The following GTF2F2 variants were observed in gnomAD, a reference collection of about 807,000 sequenced individuals.
GTF2F2 encodes the protein ATP-dependent helicase GTF2F2.
GTF2F2 carries 23 observed loss-of-function variants against 42.2 expected under a neutral mutation model. That is an observed-to-expected ratio of 0.55 (90% CI 0.39 to 0.77). The LOEUF (loss-of-function observed/expected upper bound fraction) is 0.77. Ranked by LOEUF, GTF2F2 falls within the 30% of genes least tolerant of loss-of-function variation. The pLI is 0.00. For synonymous variants in GTF2F2, 105 were observed against 100.8 expected (o/e 1.04, Z -0.25); for missense variants, 261 against 287.2 (o/e 0.91, Z 0.66).
Position 45,136,796 on chromosome 13 carries a change from C to T in GTF2F2, c.130C>T (p.Arg44Trp), listed in dbSNP as rs778270263. 5.1e-6 allele frequency: 8 copies of T among 1,571,082 alleles called. No homozygotes were observed. Among genetic ancestry groups the T allele is most frequent in the East Asian group, 2.2e-5 (1 of 44,628 alleles). The change falls in exon 2 of 8, where the codon CGG becomes TGG. Residue 44 changes from arginine to tryptophan, a missense_variant. Arg to Trp is a moderately radical substitution (Grantham distance 101, BLOSUM62 -3). Transcript: ENST00000340473. The part of the protein sequence containing the change: ...ASGRGEVGKL[R>W]IAKTQGRTEV... ...TGGAAGAGGTGAAGTTGGGAAACTGCGGATTGCCAAGTAAGTTATTTACAT... is the reference window on the plus strand; with the variant it reads ...TGGAAGAGGTGAAGTTGGGAAACTGTGGATTGCCAAGTAAGTTATTTACAT...
At chr13:45,127,136 G>A (rs1449932048) in intron 1 of GTF2F2, among the ~76,000 whole-genome samples, 1 of 152,076 alleles carries the variant, frequency 6.6e-6, no homozygotes, top group Non-Finnish European at 1.5e-5. Flanking sequence ...GGTGTAGAGA[G>A]TTATATATAA....
chr13:45,181,200 A>AAAAAAAAAAAAAAAAAAAAAAAAAAAC (rs766375703), intron 4 of GTF2F2, among the ~76,000 whole-genome samples: 1 of 132,832 alleles, frequency 7.5e-6, no homozygotes, highest in African/African-American at 2.8e-5. Context: ...AAAAAAAAAA[A>AAAAAAAAAAAAAAAAAAAAAAAAAAAC]AAACCAGAAA....
At chr13:45,251,477 T>C (rs1411191226) in intron 5 of GTF2F2, among the ~76,000 whole-genome samples, 1 of 152,222 alleles carries the variant, frequency 6.6e-6, no homozygotes. Flanking sequence ...GAAAGTGTAC[T>C]TCTTCAGGTT....
At chr13:45,226,666 A>G (rs1874372562) in intron 5 of GTF2F2, among the ~76,000 whole-genome samples, 1 of 152,158 alleles carries the variant, frequency 6.6e-6, no homozygotes, top group African/African-American at 2.4e-5. Context: ...AGGTTCAAAA[A>G]TCTCCAGTAA....
At chr13:45,199,608 A>G (rs1170189377) in intron 4 of GTF2F2, among the ~76,000 whole-genome samples, 1 of 152,250 alleles carries the variant, frequency 6.6e-6, no homozygotes, top group African/African-American at 2.4e-5. Flanking sequence ...AAGCCATCAA[A>G]TGAACATTAA....
At chr13:45,193,868 A>C in intron 4 of GTF2F2, 1 of 1,614,172 alleles carries the variant, frequency 6.2e-7, no homozygotes, top group Non-Finnish European at 8.5e-7. Flanking sequence ...CTAAAGCCAC[A>C]CTTTAAAGCC....
intron 2 of GTF2F2, among the ~76,000 whole-genome samples, chr13:45,142,918 A>G (rs1458225475): frequency 1.3e-5 from 2 of 152,218 alleles, no homozygotes; most frequent in African/African-American, 4.8e-5. Context: ...GCCGATAAAC[A>G]AAAGGCTCCA....
chr13:45,165,437 A>G, intron 4 of GTF2F2, among the ~76,000 whole-genome samples: 1 of 151,440 alleles, frequency 6.6e-6, no homozygotes, highest in South Asian at 2.1e-4. Context: ...AAAGATTCAT[A>G]TACAGTAAAG....
At chr13:45,226,714 G>T (rs1328880960) in intron 5 of GTF2F2, among the ~76,000 whole-genome samples, 5 of 152,096 alleles carry the variant, frequency 3.3e-5, no homozygotes, top group South Asian at 2.1e-4. Flanking sequence ...TAGTTGGGAA[G>T]AATTCACTTC....
At chr13:45,243,630 T>TA (rs1216479768) in intron 5 of GTF2F2, among the ~76,000 whole-genome samples, 36 of 152,160 alleles carry the variant, frequency 2.4e-4, no homozygotes, top group Middle Eastern at 3.4e-3. Context: ...TGTTTTTTTT[T>TA]AAATCCATTT....
At chr13:45,132,955 C>G (rs148712390) in intron 1 of GTF2F2, among the ~76,000 whole-genome samples, 1 of 152,150 alleles carries the variant, frequency 6.6e-6, no homozygotes, top group East Asian at 1.9e-4. Context: ...TGTTTGTAAC[C>G]ATGTATTTAA....
intron 1 of GTF2F2, among the ~76,000 whole-genome samples, chr13:45,130,901 G>T (rs1869308692): frequency 6.6e-6 from 1 of 152,166 alleles, no homozygotes; most frequent in Non-Finnish European, 1.5e-5. Context: ...GTAAGTTTGA[G>T]AGTTGTCATA....
At position 45,212,225 on chromosome 13, in the gene GTF2F2, T is replaced by G. The variant is rs986937857; in HGVS notation, c.386+4720T>G. Among the ~76,000 whole-genome samples the G allele has an allele frequency of 1.6e-4, 25 of 152,358 alleles. No homozygotes were observed. The South Asian group carries it at 2.5e-3, about 15-fold the overall frequency. On this transcript the variant is annotated intron_variant, in intron 5 of 7. Coordinates refer to ENST00000340473, the MANE Select transcript of GTF2F2 (RefSeq NM_004128.3). ...TGCTCACAATTTTTCAGGGCCTCCT[T>G]TTGACTGCATAGTTTTTAGTCATAT...
At chr13:45,270,337 A>G (rs145522123) in intron 7 of GTF2F2, among the ~76,000 whole-genome samples, 125 of 152,206 alleles carry the variant, frequency 8.2e-4, no homozygotes, top group African/African-American at 2.7e-3. Flanking sequence ...GTTTTTTGTT[A>G]CTTATAACAG....
chr13:45,252,536 A>C (rs1233887405), intron 5 of GTF2F2, among the ~76,000 whole-genome samples: 1 of 152,204 alleles, frequency 6.6e-6, no homozygotes, highest in African/African-American at 2.4e-5. Flanking sequence ...CATGTAATTT[A>C]AGATGATTTA....
intron 2 of GTF2F2, among the ~76,000 whole-genome samples, chr13:45,138,738 C>T (rs146671677): frequency 0.018 from 2,738 of 152,242 alleles, 28 homozygotes; most frequent in Middle Eastern, 0.034. Context: ...CTCTGCCTCC[C>T]GGGTTCAAGC....
chr13:45,165,565 TCGCC>T (rs779563121), intron 4 of GTF2F2, among the ~76,000 whole-genome samples: 1 of 137,716 alleles, frequency 7.3e-6, no homozygotes, highest in Admixed American at 7.0e-5. Flanking sequence ...TCCACTGCCC[TCGCC>T]CCCCCCCGCC....
intron 2 of GTF2F2, among the ~76,000 whole-genome samples, chr13:45,145,098 T>A (rs1304609136): frequency 6.8e-6 from 1 of 147,420 alleles, no homozygotes; most frequent in Non-Finnish European, 1.5e-5. Context: ...ACTGGGATAA[T>A]GAGAAAGCTA....
At chr13:45,179,953 G>GAT (rs1872067934) in intron 4 of GTF2F2, among the ~76,000 whole-genome samples, 1 of 152,148 alleles carries the variant, frequency 6.6e-6, no homozygotes, top group South Asian at 2.1e-4. Context: ...TAAGTTGGGA[G>GAT]GTGGGGGTGT....
Sources: allele counts gnomAD v4.1 joint callset (sites outside exome capture counted in the v4.1 genomes callset), GRCh38; gene constraint gnomAD v4.1.1; transcripts MANE v1.5; gene names NCBI Gene and HGNC (gene_info 2026-07-23, HGNC 2026-07-21).